Variants in OR51B5 observed in about 807,000 individuals in gnomAD.
The protein encoded by OR51B5 is olfactory receptor family 51 subfamily B member 5, also known as olfactory receptor 51B5.
For synonymous variants in OR51B5, 186 were observed against 144.8 expected (o/e 1.28, Z -2.04); for missense variants, 456 against 374.6 (o/e 1.22, Z -1.79).
At chr11:5,417,567 A>T (rs912888973) in intron 1 of OR51B5, among the ~76,000 whole-genome samples, 1 of 149,260 alleles carries the variant, frequency 6.7e-6, no homozygotes, top group Non-Finnish European at 1.5e-5. Flanking sequence ...CAATGAACTC[A>T]AACAAATTTA....
intron 1 of OR51B5, among the ~76,000 whole-genome samples, chr11:5,471,124 T>G (rs567120057): frequency 6.6e-6 from 1 of 152,366 alleles, no homozygotes; most frequent in East Asian, 1.9e-4. Flanking sequence ...ACACATATTC[T>G]TCTTTGTGAC....
At chr11:5,353,966 G>GTGTGTCTGTCTGTAGTA (rs11274213) in intron 1 of OR51B5, among the ~76,000 whole-genome samples, 59,074 of 151,808 alleles carry the variant, frequency 0.39, 11,733 homozygotes, top group Non-Finnish European at 0.42. Flanking sequence ...CAACTTGGCT[G>GTGTGTCTGTCTGTAGTA]TGTGTGAAAT....
In OR51B5 at chr11:5,441,327, T is replaced by G. The variant is rs762555411; in HGVS notation, n.84+64242A>C. Reference sequence around the variant, plus strand: ...ATTGAGAGCGAGCATAGAGAGGAAGTAGTACATGGGCTGATGCAGAGCAGG... The same window carrying G: ...ATTGAGAGCGAGCATAGAGAGGAAGGAGTACATGGGCTGATGCAGAGCAGG... On this transcript the variant is annotated intron_variant and non_coding_transcript_variant, in intron 1 of 4. Transcript: ENST00000415970. The G allele has an allele frequency of 4.3e-6, 7 of 1,612,774 alleles. No individual in the cohort carries two copies. In the African/African-American group the frequency reaches 9.4e-5, roughly 22 times the overall value.
chr11:5,496,850 T>C (rs928543885), intron 1 of OR51B5, among the ~76,000 whole-genome samples: 1 of 152,158 alleles, frequency 6.6e-6, no homozygotes, highest in African/African-American at 2.4e-5. Context: ...GAGAAGAAGA[T>C]AATTCACTCT....
intron 1 of OR51B5, among the ~76,000 whole-genome samples, chr11:5,478,950 C>T (rs1352248938): frequency 1.3e-5 from 2 of 151,160 alleles, no homozygotes. Context: ...GGATATTATC[C>T]GGGAGAACTT....
At chr11:5,492,050 C>T (rs1851588660) in intron 1 of OR51B5, among the ~76,000 whole-genome samples, 1 of 152,150 alleles carries the variant, frequency 6.6e-6, no homozygotes, top group Non-Finnish European at 1.5e-5. Flanking sequence ...TAAATTTGTT[C>T]CTTTATCCCC....
chr11:5,422,939 A>G (rs1378200959), intron 1 of OR51B5: 1 of 1,614,082 alleles, frequency 6.2e-7, no homozygotes, highest in African/African-American at 1.3e-5. Flanking sequence ...CCTGTCCCAC[A>G]TTCTAGCTGT....
intron 1 of OR51B5, among the ~76,000 whole-genome samples, chr11:5,461,027 C>A (rs1231433760): frequency 6.6e-6 from 1 of 152,110 alleles, no homozygotes; most frequent in Non-Finnish European, 1.5e-5. Flanking sequence ...TGTGGCCAGG[C>A]AGTAGTTGAG....
At chr11:5,416,826 C>G (rs538311857) in intron 1 of OR51B5, among the ~76,000 whole-genome samples, 168 of 151,808 alleles carry the variant, frequency 1.1e-3, no homozygotes, top group African/African-American at 3.9e-3. Context: ...TAGGAAGAAT[C>G]AATATTGTGA....
At chr11:5,499,875 A>G (rs1035976222) in intron 1 of OR51B5, among the ~76,000 whole-genome samples, 1 of 152,230 alleles carries the variant, frequency 6.6e-6, no homozygotes, top group Non-Finnish European at 1.5e-5. Context: ...TCATTTCACT[A>G]TCTTAATTAA....
chr11:5,475,673 T>A (rs1851294695), intron 1 of OR51B5, among the ~76,000 whole-genome samples: 1 of 152,218 alleles, frequency 6.6e-6, no homozygotes. Flanking sequence ...TTGCCTTTCT[T>A]CTATGTTATT....
chr11:5,378,867 C>T (rs1205401729), intron 1 of OR51B5, among the ~76,000 whole-genome samples: 4 of 150,308 alleles, frequency 2.7e-5, no homozygotes, highest in African/African-American at 9.8e-5. Context: ...CTTGGTGGGA[C>T]TGTAAACTAG....
At chr11:5,346,869 G>A (rs1437660151), upstream of OR51B5, 1 of 152,076 alleles carries the variant, frequency 6.6e-6, no homozygotes, top group Non-Finnish European at 1.5e-5. Flanking sequence ...GGGTTCTTGT[G>A]TCTTACCTAA....
chr11:5,485,430 G>A (rs1487080928), intron 1 of OR51B5, among the ~76,000 whole-genome samples: 8 of 152,184 alleles, frequency 5.3e-5, no homozygotes, highest in African/African-American at 9.7e-5. Flanking sequence ...CCCTGGTGCC[G>A]TCAGCATAAG....
Position 5,452,771 on chromosome 11 carries a change from C to T in OR51B5, n.84+52798G>A, listed in dbSNP as rs1011212995. Among the ~76,000 whole-genome samples the T allele has an allele frequency of 5.3e-5, 8 of 152,256 alleles. No individual in the cohort carries two copies. The East Asian group carries it at 1.4e-3, about 26-fold the overall frequency. ...TATTTGGAACAATGCTCTCCCACAC[C>T]GAATGCTAGTGTACCTATAGAATAT... On this transcript the variant is annotated intron_variant and non_coding_transcript_variant, in intron 1 of 4. Transcript: ENST00000415970.
intron 1 of OR51B5, among the ~76,000 whole-genome samples, chr11:5,479,549 T>G (rs924812419): frequency 3.1e-4 from 47 of 150,726 alleles, no homozygotes; most frequent in Admixed American, 5.3e-4. Flanking sequence ...ATGCTCCAAT[T>G]AAAAGACACA....
intron 1 of OR51B5, among the ~76,000 whole-genome samples, chr11:5,350,722 TTTTACTG>T (rs1435078764): frequency 6.6e-6 from 1 of 152,200 alleles, no homozygotes; most frequent in Non-Finnish European, 1.5e-5. Context: ...CAAATCCACA[TTTTACTG>T]TTTATTCTTC....
At chr11:5,351,129 T>A (rs1378265342) in intron 1 of OR51B5, among the ~76,000 whole-genome samples, 2 of 152,194 alleles carry the variant, frequency 1.3e-5, no homozygotes, top group Non-Finnish European at 2.9e-5. Context: ...AAGAGCACCA[T>A]GAAAAGTGAC....
intron 1 of OR51B5, among the ~76,000 whole-genome samples, chr11:5,471,660 A>G (rs1259292810): frequency 6.6e-6 from 1 of 151,982 alleles, no homozygotes; most frequent in Non-Finnish European, 1.5e-5. Flanking sequence ...AATTGATCAA[A>G]TAAAACATTT....
Sources: gnomAD v4.1 joint callset for allele counts (sites outside exome capture counted in the v4.1 genomes callset) on GRCh38, gnomAD v4.1.1 for gene constraint, MANE v1.5 for transcripts, NCBI Gene and HGNC (gene_info 2026-07-23, HGNC 2026-07-21) for gene names.